TMC1: variants seen among roughly 807,000 people sequenced by gnomAD.
The protein encoded by TMC1 is transmembrane channel like 1.
Under a neutral mutation model 105.8 loss-of-function variants are expected in TMC1, and 84 were observed. The ratio of observed to expected loss-of-function variants is 0.79; its 90% CI spans 0.67 to 0.95. The LOEUF (loss-of-function observed/expected upper bound fraction) is 0.95. Ranked by LOEUF, TMC1 falls within the 40% of genes least tolerant of loss-of-function variation. The probability of loss-of-function intolerance (pLI) is 0.00; values close to 1 mark genes in which losing one functional copy is unlikely to be tolerated. For missense variants in TMC1, 817 were observed against 914.1 expected, an observed-to-expected ratio of 0.89 and a Z score of 1.37; for synonymous variants, 315 against 311.5, an observed-to-expected ratio of 1.01 and a Z score of -0.12.
rs370274492 is a variant in TMC1, at chr9:72,527,948, GT to G, written c.-428+6039del. 2.9e-4 allele frequency among the ~76,000 whole-genome samples: 44 copies of G among 152,192 alleles called. No individual in the cohort carries two copies. The East Asian group carries it at 4.8e-3, about 17-fold the overall frequency. ...GGAGCCCATGTCTTTCAGTGTTCCTGTTTTCTTGCGATACTTCCCCCCTCCC... is the reference window on the plus strand; with the variant it reads ...GGAGCCCATGTCTTTCAGTGTTCCTGTTTCTTGCGATACTTCCCCCCTCCC... On this transcript the variant is annotated intron_variant, in intron 1 of 23. Coordinates refer to ENST00000297784, the MANE Select transcript of TMC1 (RefSeq NM_138691.3).
At chr9:72,532,325 G>T (rs1029904064) in intron 1 of TMC1, among the ~76,000 whole-genome samples, 1 of 151,882 alleles carries the variant, frequency 6.6e-6, no homozygotes, top group Non-Finnish European at 1.5e-5. Context: ...CAGATCACTT[G>T]AGGTCAGGAG....
intron 4 of TMC1, among the ~76,000 whole-genome samples, chr9:72,643,453 G>A (rs1470727150): frequency 1.3e-5 from 2 of 152,188 alleles, no homozygotes; most frequent in South Asian, 2.1e-4. Context: ...ACATATCTCA[G>A]TTTCCTTGTG....
intron 12 of TMC1, among the ~76,000 whole-genome samples, chr9:72,761,628 C>T (rs2118089363): frequency 6.6e-6 from 1 of 152,236 alleles, no homozygotes; most frequent in African/African-American, 2.4e-5. Context: ...ATATATCATC[C>T]CAGATTATTC....
At chr9:72,524,797 A>G (rs1168826285) in intron 1 of TMC1, among the ~76,000 whole-genome samples, 1 of 152,242 alleles carries the variant, frequency 6.6e-6, no homozygotes, top group Non-Finnish European at 1.5e-5. Flanking sequence ...TTAAGGGACC[A>G]ACCTCTTGAT....
intron 13 of TMC1, among the ~76,000 whole-genome samples, chr9:72,785,079 C>T (rs1828148351): frequency 6.6e-6 from 1 of 152,062 alleles, no homozygotes; most frequent in African/African-American, 2.4e-5. Context: ...CACATGCATT[C>T]CCTGAACCTA....
At chr9:72,640,618 TTTTTTTGTTTTTTG>T (rs932273836) in intron 4 of TMC1, among the ~76,000 whole-genome samples, 1 of 149,970 alleles carries the variant, frequency 6.7e-6, no homozygotes, top group Non-Finnish European at 1.5e-5. Flanking sequence ...TTGGGATTTG[TTTTTTTGTTTTTTG>T]TTTTTTGTTT....
chr9:72,563,624 C>T (rs370962038), intron 1 of TMC1, among the ~76,000 whole-genome samples: 24 of 152,020 alleles, frequency 1.6e-4, no homozygotes, highest in Admixed American at 7.2e-4. Flanking sequence ...ATTGACTGGG[C>T]GCAGTGGCTC....
intron 18 of TMC1, among the ~76,000 whole-genome samples, chr9:72,810,357 T>C (rs554702427): frequency 2.6e-4 from 39 of 152,302 alleles, no homozygotes; most frequent in Middle Eastern, 3.4e-3. Context: ...TATGCATGCA[T>C]GTGCATGTAT....
At chr9:72,781,109 C>T (rs755345624) in intron 13 of TMC1, among the ~76,000 whole-genome samples, 5 of 152,060 alleles carry the variant, frequency 3.3e-5, no homozygotes, top group Non-Finnish European at 7.4e-5. Flanking sequence ...TGAAGTCACA[C>T]CAACAACATT....
chr9:72,623,408 C>G (rs1426263579), intron 3 of TMC1, among the ~76,000 whole-genome samples: 2 of 152,200 alleles, frequency 1.3e-5, no homozygotes, highest in Non-Finnish European at 2.9e-5. Flanking sequence ...CCTTTCTTTG[C>G]TTGCTGGCTC....
intron 2 of TMC1, among the ~76,000 whole-genome samples, chr9:72,586,389 C>T (rs925725507): frequency 6.6e-6 from 1 of 152,168 alleles, no homozygotes; most frequent in Non-Finnish European, 1.5e-5. Context: ...ATTTCTGTGT[C>T]AGCATGTAGT....
intron 13 of TMC1, among the ~76,000 whole-genome samples, chr9:72,776,247 A>G (rs1472147921): frequency 6.6e-6 from 1 of 151,806 alleles, no homozygotes; most frequent in Non-Finnish European, 1.5e-5. Flanking sequence ...TAGATTATAT[A>G]TATATGAGAT....
intron 10 of TMC1, among the ~76,000 whole-genome samples, chr9:72,749,896 C>T (rs1368883891): frequency 6.6e-6 from 1 of 151,974 alleles, no homozygotes; most frequent in Non-Finnish European, 1.5e-5. Flanking sequence ...ATCACGAGGT[C>T]AGGAGTTGAA....
intron 2 of TMC1, among the ~76,000 whole-genome samples, chr9:72,601,720 G>T (rs1490248714): frequency 2.0e-5 from 3 of 151,974 alleles, no homozygotes; most frequent in Non-Finnish European, 4.4e-5. Flanking sequence ...GTGCATTCCT[G>T]TAGTTTCATA....
intron 8 of TMC1, among the ~76,000 whole-genome samples, chr9:72,729,735 C>T (rs1827177988): frequency 6.6e-6 from 1 of 152,108 alleles, no homozygotes; most frequent in African/African-American, 2.4e-5. Flanking sequence ...AGGTCAAGGA[C>T]AACACTTCTC....
intron 8 of TMC1, among the ~76,000 whole-genome samples, chr9:72,701,336 C>T (rs779890905): frequency 6.6e-6 from 1 of 152,168 alleles, no homozygotes; most frequent in Non-Finnish European, 1.5e-5. Context: ...TTTATAAACT[C>T]TTCATATGAA....
rs1329744276 is a variant in TMC1 at position 72,805,396 on chromosome 9, G to T, written c.1581G>T (p.Leu527=). ...TATCTCAACAGGAGTTTGTGAGGCT[G>T]ACAGTCTCTGATGTTCTGACCACCT... ...ETMVGQEFVR[L]TVSDVLTTYV... is the part of the protein sequence containing the mutation. The change falls in exon 18 of 24, where the codon CTG becomes CTT. Residue 527 remains leucine (L), a synonymous_variant. Transcript: ENST00000297784. 1.2e-6 allele frequency: 2 copies of T among 1,613,798 alleles called. No individual in the cohort carries two copies. The highest frequency in any genetic ancestry group is 1.7e-5 in the Admixed American group (1 of 59,984).
chr9:72,542,189 G>A (rs543892086), intron 1 of TMC1, among the ~76,000 whole-genome samples: 17 of 152,236 alleles, frequency 1.1e-4, no homozygotes, highest in Admixed American at 4.6e-4. Flanking sequence ...GGCCCGGCGC[G>A]GTGGCTCGTG....
chr9:72,584,483 T>G (rs1043768703), intron 2 of TMC1, among the ~76,000 whole-genome samples: 1 of 151,994 alleles, frequency 6.6e-6, no homozygotes, highest in Non-Finnish European at 1.5e-5. Flanking sequence ...CTCAGGCTGG[T>G]CTTGAACTCC....
Sources: gnomAD v4.1 joint callset for allele counts (sites outside exome capture counted in the v4.1 genomes callset) on GRCh38, gnomAD v4.1.1 for gene constraint, MANE v1.5 for transcripts, NCBI Gene and HGNC (gene_info 2026-07-23, HGNC 2026-07-21) for gene names.